The following HIVEP1 variants were observed in gnomAD, a reference collection of about 807,000 sequenced individuals.
HIVEP1 encodes HIVEP zinc finger 1.
HIVEP1 carries 36 observed loss-of-function variants against 180.0 expected under a neutral mutation model. The observed-to-expected ratio is 0.20, with a 90% CI of 0.15 to 0.26. The LOEUF (loss-of-function observed/expected upper bound fraction) is 0.26. HIVEP1 is among the 10% of genes least tolerant of loss of function. The pLI is 1.00. For missense variants in HIVEP1, 3,143 were observed against 3,268.7 expected (o/e 0.96, Z 0.94); for synonymous variants, 1,239 against 1,239.0 (o/e 1.00, Z 0.00).
chr6:12,094,275 A>G (rs915694644), intron 3 of HIVEP1, among the ~76,000 whole-genome samples: 2 of 151,972 alleles, frequency 1.3e-5, no homozygotes, highest in Non-Finnish European at 2.9e-5. Context: ...TTCTTGTCAT[A>G]TCAGCTGGGA....
intron 8 of HIVEP1, 22 bp from the exon 9 acceptor site, chr6:12,163,260 GA>G: frequency 6.4e-7 from 1 of 1,566,522 alleles, no homozygotes; most frequent in Non-Finnish European, 8.7e-7. Context: ...GTCATAAAAG[GA>G]TTGCTCTCTC....
intron 2 of HIVEP1, among the ~76,000 whole-genome samples, chr6:12,061,157 G>C (rs1274388541): frequency 2.0e-5 from 3 of 152,146 alleles, no homozygotes; most frequent in African/African-American, 7.2e-5. Context: ...ATGTGTTTGT[G>C]CAAGTGCCTG....
At chr6:12,167,327 G>T (rs560814008), downstream of HIVEP1, among the ~76,000 whole-genome samples, 11 of 151,718 alleles carry the variant, frequency 7.3e-5, no homozygotes, top group African/African-American at 2.7e-4. Flanking sequence ...GGTTCTTTTT[G>T]ACTTTTCTGT....
intron 7 of HIVEP1, among the ~76,000 whole-genome samples, chr6:12,149,267 T>A (rs1179915995): frequency 6.6e-6 from 1 of 152,188 alleles, no homozygotes; most frequent in Non-Finnish European, 1.5e-5. Context: ...AACCTTTTTT[T>A]AAAAAGGACA....
intron 2 of HIVEP1, among the ~76,000 whole-genome samples, chr6:12,036,194 G>A (rs1235683339): frequency 6.6e-6 from 1 of 152,218 alleles, no homozygotes; most frequent in East Asian, 1.9e-4. Context: ...GAAGCAAAAA[G>A]ATATTTGTTC....
At chr6:12,103,726 C>T (rs542937700) in intron 3 of HIVEP1, among the ~76,000 whole-genome samples, 34 of 152,150 alleles carry the variant, frequency 2.2e-4, no homozygotes, top group African/African-American at 7.7e-4. Flanking sequence ...TTTTCTTCCT[C>T]AGAGACCTGT....
rs61620887 is a variant in HIVEP1, at chr6:12,065,692, C to CGT, written c.41-23472_41-23471dup. ...TTTTGTGTGTGTGTGTGTGTGTGTG[C>CGT]GTGTGTGTGTGTGTGTGTGTGCATT... is the stretch of plus-strand genomic sequence containing the variant. On this transcript the variant is annotated intron_variant, in intron 2 of 8. Transcript: ENST00000379388. Among the ~76,000 whole-genome samples, 522 of 145,202 alleles carry CGT rather than the reference C, an allele frequency of 3.6e-3. 2 individuals carry two copies. The highest frequency in any genetic ancestry group is 5.7e-3 in the Non-Finnish European group (369 of 65,196).
chr6:12,033,322 ATG>A (rs58465582), intron 2 of HIVEP1, among the ~76,000 whole-genome samples: 5,178 of 148,572 alleles, frequency 0.035, 268 homozygotes, highest in African/African-American at 0.12. Context: ...GTAGAGGAGC[ATG>A]TGTGTGTGTG....
downstream of HIVEP1, among the ~76,000 whole-genome samples, chr6:12,168,162 CGT>C (rs1760791797): frequency 2.8e-5 from 2 of 72,014 alleles, 1 homozygote; most frequent in Non-Finnish European, 5.5e-5. Context: ...TACAGATATA[CGT>C]GTATATCTAT....
At chr6:12,211,293 C>A in the HIVEP1 span, among the ~76,000 whole-genome samples, 3,983 of 73,940 alleles carry the variant, frequency 0.054, 614 homozygotes, top group Non-Finnish European at 0.075. Flanking sequence ...CCAGCTACTC[C>A]GGAGGCTGAG....
chr6:12,200,769 T>A, the HIVEP1 span, among the ~76,000 whole-genome samples: 9 of 152,242 alleles, frequency 5.9e-5, no homozygotes, highest in Non-Finnish European at 1.3e-4. Context: ...CTGGAATATA[T>A]TTGAAATCTT....
intron 2 of HIVEP1, among the ~76,000 whole-genome samples, chr6:12,071,451 T>C (rs1261774150): frequency 6.6e-6 from 1 of 152,250 alleles, no homozygotes; most frequent in African/African-American, 2.4e-5. Context: ...TCCCCAAATA[T>C]TGTCTTCCTT....
intron 4 of HIVEP1, among the ~76,000 whole-genome samples, 161 bp downstream of exon 4, chr6:12,126,031 A>T (rs1478341898): frequency 6.6e-6 from 1 of 152,176 alleles, no homozygotes; most frequent in Non-Finnish European, 1.5e-5. Context: ...TTACCCCAGG[A>T]GTTACATTGA....
chr6:12,036,771 G>C (rs1394059498), intron 2 of HIVEP1, among the ~76,000 whole-genome samples: 1 of 152,166 alleles, frequency 6.6e-6, no homozygotes, highest in Non-Finnish European at 1.5e-5. Context: ...GGGTGTGCGT[G>C]GTGGCGCACG....
intron 7 of HIVEP1, among the ~76,000 whole-genome samples, chr6:12,141,758 A>G (rs546546531): frequency 6.6e-6 from 1 of 151,420 alleles, no homozygotes; most frequent in Admixed American, 6.6e-5. Flanking sequence ...AAAACAGACT[A>G]AACCAGTAAA....
intron 3 of HIVEP1, among the ~76,000 whole-genome samples, chr6:12,108,695 C>T (rs573939140): frequency 6.6e-6 from 1 of 152,318 alleles, no homozygotes; most frequent in South Asian, 2.1e-4. Flanking sequence ...GCGGGGCCCG[C>T]CAAGCCCACG....
At chr6:12,019,124 TC>T (rs1301134295) in intron 2 of HIVEP1, among the ~76,000 whole-genome samples, 11 of 152,160 alleles carry the variant, frequency 7.2e-5, no homozygotes, top group Admixed American at 2.0e-4. Context: ...TAAAGCCACC[TC>T]AGTGGGACTT....
intron 2 of HIVEP1, among the ~76,000 whole-genome samples, chr6:12,042,257 A>T: frequency 7.0e-6 from 1 of 143,462 alleles, no homozygotes. Context: ...TTTTTTTTGT[A>T]TTTTCAGTAG....
At chr6:12,017,577 G>GC (rs1767891446) in intron 2 of HIVEP1, among the ~76,000 whole-genome samples, 1 of 152,004 alleles carries the variant, frequency 6.6e-6, no homozygotes, top group Non-Finnish European at 1.5e-5. Context: ...CTCCCGTCTG[G>GC]CCCCACCCAC....
Sources: gnomAD v4.1 joint callset for allele counts (sites outside exome capture counted in the v4.1 genomes callset) on GRCh38, gnomAD v4.1.1 for gene constraint, MANE v1.5 for transcripts, NCBI Gene and HGNC (gene_info 2026-07-23, HGNC 2026-07-21) for gene names.